The following TRAPPC6A variants were observed in gnomAD, a reference collection of about 807,000 sequenced individuals.
The protein encoded by TRAPPC6A is trafficking protein particle complex subunit 6A.
Under a neutral mutation model 20.8 loss-of-function variants are expected in TRAPPC6A, and 25 were observed. That is an observed-to-expected ratio of 1.20 (90% CI 0.88 to 1.68). TRAPPC6A has a LOEUF of 1.68. Among genes scored for constraint, TRAPPC6A ranks in the 40% most tolerant of loss-of-function variants. TRAPPC6A has a pLI of 0.00. For synonymous variants in TRAPPC6A, 96 were observed against 93.3 expected, an observed-to-expected ratio of 1.03 and a Z score of -0.16; for missense variants, 215 against 211.6, an observed-to-expected ratio of 1.02 and a Z score of -0.10.
At chr19:45,164,031 G>A (rs1273325589) in intron 4 of TRAPPC6A, 22 bp from the exon 5 acceptor site, 8 of 1,562,802 alleles carry the variant, frequency 5.1e-6, no homozygotes, top group Middle Eastern at 1.7e-4. Context: ...ACACAGACCA[G>A]CATGGGAAGA....
Position 45,163,902 on chromosome 19 carries a change from C to A in TRAPPC6A, c.448+14G>T. On this transcript the variant is annotated intron_variant, in intron 5 of 5. Transcript: ENST00000585934. The surrounding 1 kb of genome is among the most constrained non-coding windows in gnomAD (Gnocchi z 5.3). ...CAAGGGATGAGAAGAATCCCCCCAC[C>A]CCCCATGACTCACAGACGGGCAGGG... 6 of 1,561,924 alleles carry A rather than the reference C, an allele frequency of 3.8e-6. No individual in the cohort carries two copies. Among genetic ancestry groups the A allele is most frequent in the Non-Finnish European group, 5.2e-6 (6 of 1,151,346 alleles).
chr19:45,174,062 A>G (rs1969315724), intron 1 of TRAPPC6A, among the ~76,000 whole-genome samples: 1 of 152,156 alleles, frequency 6.6e-6, no homozygotes, highest in Non-Finnish European at 1.5e-5. Flanking sequence ...AATCCTTCCC[A>G]GGGCAAATGC....
chr19:45,165,538 G>C (rs1969133256), intron 1 of TRAPPC6A, among the ~76,000 whole-genome samples: 1 of 152,234 alleles, frequency 6.6e-6, no homozygotes, highest in African/African-American at 2.4e-5. Context: ...GGCTGCACGT[G>C]CTTTCAGCGC....
At position 45,163,508 on chromosome 19, in the gene TRAPPC6A, A is replaced by T. The variant is rs1278191437; in HGVS notation, c.449-285T>A. ...GGGCCCCCATGAGTGGGCCTGGGGA[A>T]CCGGCAGAGGCAAAATAACTGAAGG... On this transcript the variant is annotated intron_variant, in intron 5 of 5. Transcript: ENST00000585934. This position sits in a 1 kb window ranked among gnomAD's most constrained non-coding sequence, Gnocchi z 5.3. Among the ~76,000 whole-genome samples the T allele has an allele frequency of 2.0e-5, 3 of 151,904 alleles. No homozygotes were observed. The highest frequency in any genetic ancestry group is 7.3e-5 in the African/African-American group (3 of 41,370).
At chr19:45,169,770 T>C (rs1599735992) in intron 1 of TRAPPC6A, among the ~76,000 whole-genome samples, 1 of 152,136 alleles carries the variant, frequency 6.6e-6, no homozygotes, top group African/African-American at 2.4e-5. Context: ...GCGAAGCTCC[T>C]GGAGGCAGGG....
Position 45,163,904 on chromosome 19 carries a change from C to G in TRAPPC6A, c.448+12G>C. 1 of 1,565,188 alleles carries G rather than the reference C, an allele frequency of 6.4e-7. No homozygotes were observed. The highest frequency in any genetic ancestry group is 1.3e-5 in the African/African-American group (1 of 74,308). On this transcript the variant is annotated intron_variant, in intron 5 of 5. Coordinates refer to ENST00000585934, the MANE Select transcript of TRAPPC6A (RefSeq NM_001270891.2). The surrounding 1 kb of genome is among the most constrained non-coding windows in gnomAD (Gnocchi z 5.3). ...AGGGATGAGAAGAATCCCCCCACCCCCCATGACTCACAGACGGGCAGGGCT... is the reference window on the plus strand; with the variant it reads ...AGGGATGAGAAGAATCCCCCCACCCGCCATGACTCACAGACGGGCAGGGCT...
intron 1 of TRAPPC6A, among the ~76,000 whole-genome samples, chr19:45,175,814 G>A (rs1223535687): frequency 6.6e-6 from 1 of 152,106 alleles, no homozygotes; most frequent in Non-Finnish European, 1.5e-5. Flanking sequence ...AGCCAGGAAG[G>A]ATATGGAGTG....
chr19:45,163,312 G>T lies in TRAPPC6A; in HGVS notation c.449-89C>A. The T allele has an allele frequency of 7.0e-7, 1 of 1,418,862 alleles. No individual in the cohort carries two copies. The highest frequency in any genetic ancestry group is 9.8e-7 in the Non-Finnish European group (1 of 1,015,310). 87.9% of individuals were successfully genotyped at this position (1,418,862 alleles called of 1,614,324 possible). A position where few individuals can be genotyped will look rare whatever the true frequency, so the allele number is the denominator to read the frequency against. On this transcript the variant is annotated intron_variant, in intron 5 of 5. Transcript: ENST00000585934. The surrounding 1 kb of genome is among the most constrained non-coding windows in gnomAD (Gnocchi z 5.3). ...GCTCTTAGGCGCTCACCCCCGTCCT[G>T]CACTGACACCCCAGTGGCTAGGTTG...
intron 1 of TRAPPC6A, among the ~76,000 whole-genome samples, chr19:45,171,400 C>T (rs1423202061): frequency 1.3e-5 from 2 of 152,158 alleles, no homozygotes; most frequent in East Asian, 1.9e-4. Context: ...AGCCCAGAGC[C>T]GGTGCATTTC....
rs1001848052 is a variant in TRAPPC6A at position 45,178,004 on chromosome 19, C to G, written c.84+131G>C. The G allele has an allele frequency of 9.3e-6, 14 of 1,497,930 alleles. No homozygotes were observed. In the African/African-American group the frequency reaches 1.7e-4, roughly 18 times the overall value. 92.8% of individuals were successfully genotyped at this position (1,497,930 alleles called of 1,614,324 possible). On this transcript the variant is annotated intron_variant, in intron 1 of 5. Transcript: ENST00000585934. The stretch of plus-strand genomic sequence containing the variant: ...AACGCCACTTTCCAAAGGAGGAAGC[C>G]AGGGCCAGACGTTGCCCTGCAAGGC...
At chr19:45,174,737 G>A (rs1383850392) in intron 1 of TRAPPC6A, among the ~76,000 whole-genome samples, 1 of 152,082 alleles carries the variant, frequency 6.6e-6, no homozygotes, top group African/African-American at 2.4e-5. Context: ...GCTGAGGTGG[G>A]AGGATCACTT....
chr19:45,166,975 C>G (rs150072183), intron 1 of TRAPPC6A, among the ~76,000 whole-genome samples: 1 of 152,312 alleles, frequency 6.6e-6, no homozygotes, highest in South Asian at 2.1e-4. Context: ...CCCTCACCCT[C>G]TCCTCTGCCC....
At chr19:45,164,716 G>A (rs1969106193) in intron 3 of TRAPPC6A, 137 bp downstream of exon 3, 4 of 797,030 alleles carry the variant, frequency 5.0e-6, no homozygotes, top group South Asian at 3.0e-5. Flanking sequence ...ATCAGACAGA[G>A]CAAGAGCTGC....
Position 45,168,880 on chromosome 19 carries a change from C to A in TRAPPC6A, c.85-3686G>T, listed in dbSNP as rs374071414. ...TTGAGGGCCTCACGGAGGTGAGGAG[C>A]GCTGGGAATGGCGGGGGGGCCTGAG... On this transcript the variant is annotated intron_variant, in intron 1 of 5. Coordinates refer to ENST00000585934, the MANE Select transcript of TRAPPC6A (RefSeq NM_001270891.2). Among the ~76,000 whole-genome samples, 46 of 152,214 alleles carry A rather than the reference C, an allele frequency of 3.0e-4. 1 individual carries two copies. The highest frequency in any genetic ancestry group is 1.1e-3 in the African/African-American group (44 of 41,536).
chr19:45,175,580 A>G (rs1249087801), intron 1 of TRAPPC6A, among the ~76,000 whole-genome samples: 1 of 152,168 alleles, frequency 6.6e-6, no homozygotes, highest in Admixed American at 6.5e-5. Flanking sequence ...TTGTTACGCT[A>G]AGATCTGAAG....
At position 45,162,992 on chromosome 19, in the gene TRAPPC6A, T is replaced by G; in HGVS notation, c.*200A>C. The G allele has an allele frequency of 2.1e-6, 1 of 465,698 alleles. No individual in the cohort carries two copies. The highest frequency in any genetic ancestry group is 4.1e-5 in the South Asian group (1 of 24,498). 28.8% of individuals were successfully genotyped at this position (465,698 alleles called of 1,614,324 possible). A position where few individuals can be genotyped will look rare whatever the true frequency, so the allele number is the denominator to read the frequency against. On this transcript the variant is annotated 3_prime_UTR_variant, in exon 6 of 6. Coordinates refer to ENST00000585934, the MANE Select transcript of TRAPPC6A (RefSeq NM_001270891.2). ...GGCAGTGACGCTGCCGAGGCGGGAA[T>G]CCCACCACAGTCCTGACCGCAGCTG...
Position 45,163,077 on chromosome 19 carries a change from T to C in TRAPPC6A, c.*115A>G. 7.9e-7 allele frequency: 1 copy of C among 1,264,854 alleles called. No homozygotes were observed. The highest frequency in any genetic ancestry group is 1.3e-5 in the South Asian group (1 of 76,374). 78.4% of individuals were successfully genotyped at this position (1,264,854 alleles called of 1,614,324 possible). A position where few individuals can be genotyped will look rare whatever the true frequency, so the allele number is the denominator to read the frequency against. On this transcript the variant is annotated 3_prime_UTR_variant, in exon 6 of 6. Coordinates refer to ENST00000585934, the MANE Select transcript of TRAPPC6A (RefSeq NM_001270891.2). This position sits in a 1 kb window ranked among gnomAD's most constrained non-coding sequence, Gnocchi z 5.3. ...ATTTGATACCCACTTCCTGAGCAAA[T>C]GTGACCCCTAGGGCCTGGGATTCCC...
chr19:45,169,104 C>A (rs1274205806), intron 1 of TRAPPC6A, among the ~76,000 whole-genome samples: 1 of 152,172 alleles, frequency 6.6e-6, no homozygotes, highest in East Asian at 1.9e-4. Context: ...CCGATGACTG[C>A]AGGAGACGGG....
chr19:45,164,829 A>T, intron 3 of TRAPPC6A, 24 bp downstream of exon 3: 1 of 1,603,788 alleles, frequency 6.2e-7, no homozygotes, highest in Non-Finnish European at 8.5e-7. Context: ...AGGAAGCTGG[A>T]CGGGCAGGCC....
Sources: gnomAD v4.1 joint callset for allele counts (sites outside exome capture counted in the v4.1 genomes callset) on GRCh38, gnomAD v4.1.1 for gene constraint, Gnocchi (gnomAD v3.1) non-coding constraint, MANE v1.5 for transcripts, NCBI Gene and HGNC (gene_info 2026-07-23, HGNC 2026-07-21) for gene names.